Variants in PLCH1 observed in about 807,000 individuals in gnomAD.
PLCH1 encodes phospholipase C eta 1, also known as 1-phosphatidylinositol 4,5-bisphosphate phosphodiesterase eta-1.
In PLCH1, 60 loss-of-function variants were observed where a neutral mutation model predicts 126.7. The observed-to-expected ratio is 0.47, with a 90% confidence interval of 0.38 to 0.59. The LOEUF is 0.59. PLCH1 is among the 20% of genes least tolerant of loss of function. The pLI, the probability that PLCH1 is intolerant of heterozygous loss-of-function variation, is 0.00. For missense variants in PLCH1, 1,723 were observed against 2,040.0 expected (o/e 0.84, Z 2.99); for synonymous variants, 719 against 734.9 (o/e 0.98, Z 0.35).
intron 10 of PLCH1, among the ~76,000 whole-genome samples, chr3:155,542,659 T>TCA (rs1560137658): frequency 6.6e-6 from 1 of 152,074 alleles, no homozygotes; most frequent in Non-Finnish European, 1.5e-5. Flanking sequence ...GACTGACACC[T>TCA]CACACAGCCG....
chr3:155,674,187 T>TGTTCAGAATC (rs1743851419), intron 2 of PLCH1, among the ~76,000 whole-genome samples: 1 of 152,218 alleles, frequency 6.6e-6, no homozygotes, highest in African/African-American at 2.4e-5. Context: ...TTCTCAGTGT[T>TGTTCAGAATC]GTTCAGAATC....
intron 9 of PLCH1, among the ~76,000 whole-genome samples, 175 bp downstream of exon 9, chr3:155,553,901 G>A (rs1161542342): frequency 2.0e-5 from 3 of 152,176 alleles, no homozygotes; most frequent in Admixed American, 6.5e-5. Flanking sequence ...AAGTACAAAC[G>A]GGAAGGCCAC....
intron 10 of PLCH1, among the ~76,000 whole-genome samples, chr3:155,534,009 C>T (rs1463644896): frequency 6.6e-6 from 1 of 152,192 alleles, no homozygotes; most frequent in African/African-American, 2.4e-5. Context: ...AGGGGTGGAG[C>T]CCTCAAGGCA....
At position 155,566,169 on chromosome 3, in the gene PLCH1, A is replaced by G. The variant is rs1728389394; in HGVS notation, c.866-1051T>C. 3.8e-5 allele frequency among the ~76,000 whole-genome samples: 3 copies of G among 78,434 alleles called. 1 individual carries two copies. The highest frequency in any genetic ancestry group is 2.8e-4 in the Admixed American group (2 of 7,100). 51.5% of individuals were successfully genotyped at this position (78,434 alleles called of 152,430 possible). On this transcript the variant is annotated intron_variant, in intron 7 of 22. Transcript: ENST00000460012. ...TATATACATATATACACATACATAT[A>G]TACACATATATACACATATATATAC... is the stretch of plus-strand genomic sequence containing the variant.
Position 155,674,829 on chromosome 3 carries a change from G to T in PLCH1, c.79+29317C>A, listed in dbSNP as rs191871337. On this transcript the variant is annotated intron_variant, in intron 2 of 22. Transcript: ENST00000460012. ...TTTAAATTTAAAGATCATCTTATGT[G>T]GTAAAGGTAATAGAAGTCACTTTCA... Among the ~76,000 whole-genome samples, 20 of 152,228 alleles carry T rather than the reference G, an allele frequency of 1.3e-4. No homozygotes were observed. The East Asian group carries it at 3.7e-3, about 28-fold the overall frequency.
chr3:155,575,868 C>T (rs1729874652), intron 6 of PLCH1, among the ~76,000 whole-genome samples: 1 of 152,108 alleles, frequency 6.6e-6, no homozygotes. Context: ...TCAGACTGAT[C>T]TTGAACTCCA....
intron 21 of PLCH1, among the ~76,000 whole-genome samples, chr3:155,470,328 G>A (rs377236295): frequency 3.3e-5 from 5 of 152,232 alleles, no homozygotes; most frequent in South Asian, 4.1e-4. Context: ...GGGTATCAGC[G>A]ATAGAAGATG....
At chr3:155,695,476 CAG>C (rs994044813) in intron 2 of PLCH1, among the ~76,000 whole-genome samples, 1 of 152,226 alleles carries the variant, frequency 6.6e-6, no homozygotes, top group Non-Finnish European at 1.5e-5. Context: ...TCAAACTCAA[CAG>C]AGAGTGCAAA....
At chr3:155,527,054 A>T (rs1722048375) in intron 10 of PLCH1, among the ~76,000 whole-genome samples, 1 of 152,142 alleles carries the variant, frequency 6.6e-6, no homozygotes. Context: ...GATGGGTTCA[A>T]CTTGGTCCCA....
intron 2 of PLCH1, among the ~76,000 whole-genome samples, chr3:155,615,472 G>C (rs1735685251): frequency 6.6e-6 from 1 of 152,112 alleles, no homozygotes; most frequent in African/African-American, 2.4e-5. Context: ...ATATGAAAAA[G>C]ACACATGCAT....
At chr3:155,615,182 A>C (rs567034343) in intron 2 of PLCH1, among the ~76,000 whole-genome samples, 17 of 152,330 alleles carry the variant, frequency 1.1e-4, no homozygotes, top group African/African-American at 4.1e-4. Flanking sequence ...CATATGAAAA[A>C]GTGCTCAACA....
At chr3:155,562,339 C>A (rs1727748419) in intron 8 of PLCH1, among the ~76,000 whole-genome samples, 1 of 152,156 alleles carries the variant, frequency 6.6e-6, no homozygotes, top group Non-Finnish European at 1.5e-5. Context: ...TGACAACTTT[C>A]CACATTTTTC....
chr3:155,561,067 C>G (rs1727519013), intron 8 of PLCH1, among the ~76,000 whole-genome samples: 1 of 152,038 alleles, frequency 6.6e-6, no homozygotes, highest in South Asian at 2.1e-4. Context: ...TCTTTTGAAG[C>G]TTATTCTATC....
intron 10 of PLCH1, among the ~76,000 whole-genome samples, chr3:155,544,161 A>C (rs895880778): frequency 2.0e-5 from 3 of 152,232 alleles, no homozygotes; most frequent in Non-Finnish European, 4.4e-5. Context: ...GCAGACACAC[A>C]CATAGGCTCA....
intron 19 of PLCH1, 69 bp downstream of exon 19, chr3:155,490,715 A>C: frequency 1.1e-6 from 1 of 889,390 alleles, no homozygotes; most frequent in South Asian, 1.4e-5. Flanking sequence ...CTACATAGAC[A>C]CTTTTTTTAG....
At chr3:155,656,248 A>C (rs1218205540) in intron 2 of PLCH1, among the ~76,000 whole-genome samples, 2 of 152,112 alleles carry the variant, frequency 1.3e-5, no homozygotes, top group Non-Finnish European at 2.9e-5. Flanking sequence ...CAAAGCTTCA[A>C]AGGATAGATC....
intron 11 of PLCH1, among the ~76,000 whole-genome samples, chr3:155,515,661 CA>C (rs1407071309): frequency 6.6e-6 from 1 of 152,240 alleles, no homozygotes; most frequent in African/African-American, 2.4e-5. Flanking sequence ...TCCTGCTTAG[CA>C]CAGCTTTTCG....
At chr3:155,689,609 G>T (rs1745215674) in intron 2 of PLCH1, among the ~76,000 whole-genome samples, 1 of 151,994 alleles carries the variant, frequency 6.6e-6, no homozygotes, top group African/African-American at 2.4e-5. Context: ...AGAACCAGCA[G>T]AAATTCTAGA....
At chr3:155,739,658 C>T (rs529137096) in intron 1 of PLCH1, among the ~76,000 whole-genome samples, 2 of 152,148 alleles carry the variant, frequency 1.3e-5, no homozygotes, top group Non-Finnish European at 2.9e-5. Context: ...ACAAATTTCC[C>T]GCCTATTACC....
Sources: allele counts gnomAD v4.1 joint callset (sites outside exome capture counted in the v4.1 genomes callset), GRCh38; gene constraint gnomAD v4.1.1; transcripts MANE v1.5; gene names NCBI Gene and HGNC (gene_info 2026-07-23, HGNC 2026-07-21).